EIF2S3: variants seen among roughly 807,000 people sequenced by gnomAD.
The protein encoded by EIF2S3 is eukaryotic translation initiation factor 2 subunit gamma, also known as eukaryotic translation initiation factor 2 subunit 3.
EIF2S3 carries 2 observed loss-of-function variants against 31.7 expected under a neutral mutation model. The observed-to-expected ratio is 0.06, with a 90% confidence interval of 0.03 to 0.20. EIF2S3 has a LOEUF of 0.20. EIF2S3 is among the 10% of genes least tolerant of loss of function. The probability of loss-of-function intolerance (pLI) is 1.00; values close to 1 mark genes in which losing one functional copy is unlikely to be tolerated. For missense variants in EIF2S3, 96 were observed against 359.3 expected (o/e 0.27, Z 5.92); for synonymous variants, 120 against 126.7 (o/e 0.95, Z 0.36).
chrX:24,065,575 G>A (rs753925210), intron 7 of EIF2S3, among the ~76,000 whole-genome samples: 52 of 111,530 alleles, frequency 4.7e-4, no homozygotes, highest in African/African-American at 1.5e-3. Flanking sequence ...CTATGATTGT[G>A]CCACTGCACT....
Position 24,057,640 on chromosome X carries a change from A to G in EIF2S3, c.269A>G (p.Lys90Arg). ...TTTTTATTGAAATTTTAGATTTATA[A>G]GCTTGATGACCCAAGTTGCCCTCGG... ...KLGYANAKIY[K>R]LDDPSCPRPE... Residue 90 changes from lysine (K) to arginine (R), a missense_variant, in exon 4 of 12, where the codon AAG becomes AGG. Physicochemically the swap from Lys to Arg is conservative, Grantham distance 26. Transcript: ENST00000253039. The G allele has an allele frequency of 1.7e-6, 2 of 1,210,986 alleles. No homozygotes were observed. The highest frequency in any genetic ancestry group is 2.2e-6 in the Non-Finnish European group (2 of 895,377).
chrX:24,059,986 A>G, intron 4 of EIF2S3, 102 bp from the exon 5 acceptor site: 1 of 617,589 alleles, frequency 1.6e-6, no homozygotes, highest in South Asian at 3.0e-5. Context: ...ATTTTATAGC[A>G]ATAAGATTAT....
At chrX:24,069,237 C>T (rs112164129) in intron 9 of EIF2S3, among the ~76,000 whole-genome samples, 5,985 of 108,665 alleles carry the variant, frequency 0.055, 171 homozygotes, top group Middle Eastern at 0.098. Context: ...CAAAAGTTAG[C>T]TGGGTGTGGT....
intron 11 of EIF2S3, among the ~76,000 whole-genome samples, chrX:24,074,716 A>G (rs1744625416): frequency 9.1e-6 from 1 of 109,980 alleles, no homozygotes; most frequent in Non-Finnish European, 1.9e-5. Context: ...ATATGGACTC[A>G]TGGAGTCCTA....
At chrX:24,060,022 A>C in intron 4 of EIF2S3, 66 bp from the exon 5 acceptor site, 1 of 877,290 alleles carries the variant, frequency 1.1e-6, no homozygotes. Context: ...AACTTTAAAA[A>C]ATCTAAAACT....
At chrX:24,064,810 CAA>C (rs1053570778) in intron 7 of EIF2S3, among the ~76,000 whole-genome samples, 2 of 111,676 alleles carry the variant, frequency 1.8e-5, no homozygotes, top group African/African-American at 3.3e-5. Flanking sequence ...GCCTGGGCAA[CAA>C]GAGTGAAACT....
At chrX:24,071,138 G>T (rs1204946381) in intron 9 of EIF2S3, among the ~76,000 whole-genome samples, 1 of 110,630 alleles carries the variant, frequency 9.0e-6, no homozygotes, top group Non-Finnish European at 1.9e-5. Flanking sequence ...AAAAATAAAA[G>T]TATGAAAGTG....
At position 24,071,559 on chromosome X, in the gene EIF2S3, A is replaced by G; in HGVS notation, c.1014A>G (p.Gly338=). The change falls in exon 10 of 12, where the codon GGA becomes GGG. Residue 338 remains glycine (G), a splice_region_variant and synonymous_variant. Transcript: ENST00000253039. ...LQYAAPGGLI[G]VGTKIDPTLC... is the part of the protein sequence containing the mutation. ...TATATACATCTTATTTTTATATAGG[A>G]GTTGGAACAAAAATTGACCCCACTT... 3 of 1,206,655 alleles carry G rather than the reference A, an allele frequency of 2.5e-6. No individual in the cohort carries two copies. The highest frequency in any genetic ancestry group is 2.2e-6 in the Non-Finnish European group (2 of 894,126).
At chrX:24,056,209 C>G (rs1930401745) in intron 2 of EIF2S3, among the ~76,000 whole-genome samples, 1 of 110,758 alleles carries the variant, frequency 9.0e-6, no homozygotes, top group Non-Finnish European at 1.9e-5. Flanking sequence ...AGTTTTTAAC[C>G]TAGTTAAAAA....
chrX:24,071,885 T>A (rs78977001), intron 10 of EIF2S3, among the ~76,000 whole-genome samples, 158 bp downstream of exon 10: 2 of 109,230 alleles, frequency 1.8e-5, no homozygotes, highest in African/African-American at 3.3e-5. Flanking sequence ...TTTTTTTTTT[T>A]AATTTAGAGA....
chrX:24,060,498 TTG>T, intron 5 of EIF2S3: 1 of 297,348 alleles, frequency 3.4e-6, no homozygotes. Flanking sequence ...GTAAAACTAT[TTG>T]TGTTATGGTT....
At position 24,064,238 on chromosome X, in the gene EIF2S3, A is replaced by G. The variant is rs778615116; in HGVS notation, c.675A>G (p.Ser225=). 20 of 1,196,130 alleles carry G rather than the reference A, an allele frequency of 1.7e-5. No homozygotes were observed. Among genetic ancestry groups the G allele is most frequent in the Middle Eastern group, 4.7e-4 (2 of 4,292 alleles). Residue 225 remains serine, a synonymous_variant, in exon 7 of 12, where the codon TCA becomes TCG. Transcript: ENST00000253039. ...AGGGAGCTCCCATTATTCCAATTTC[A>G]GCTCAGCTGAAATACAATATTGAAG... ...VAEGAPIIPI[S]AQLKYNIEVV...
intron 11 of EIF2S3, 151 bp downstream of exon 11, chrX:24,073,414 C>T (rs1930701453): frequency 9.0e-6 from 7 of 774,497 alleles, no homozygotes; most frequent in South Asian, 6.4e-5. Context: ...ATACTTCGGC[C>T]GGGTGCGGTG....
intron 8 of EIF2S3, 28 bp downstream of exon 8, chrX:24,066,120 T>C (rs1169533102): frequency 2.0e-6 from 2 of 986,118 alleles, no homozygotes; most frequent in East Asian, 3.2e-5. Context: ...TGTTGTGATT[T>C]TGGGTTTTTT....
rs1930785734 is a variant in EIF2S3 at position 24,078,148 on chromosome X, C to T, written c.*1363C>T. ...TCAAGTGATTCTCGTGCTTCAGCCT[C>T]CCATGTAGCTGATATTACAGGCACT... is the stretch of plus-strand genomic sequence containing the variant. On this transcript the variant is annotated 3_prime_UTR_variant, in exon 12 of 12. Transcript: ENST00000253039. Among the ~76,000 whole-genome samples, 1 of 110,332 alleles carries T rather than the reference C, an allele frequency of 9.1e-6. No homozygotes were observed. Among genetic ancestry groups the T allele is most frequent in the Admixed American group, 9.7e-5 (1 of 10,262 alleles).
intron 9 of EIF2S3, among the ~76,000 whole-genome samples, chrX:24,069,981 A>G (rs1000221815): frequency 6.4e-5 from 7 of 109,606 alleles, no homozygotes; most frequent in Non-Finnish European, 1.3e-4. Context: ...GTGAGCCACC[A>G]CACTTGGCCT....
chrX:24,055,363 C>T (rs1930385441), intron 1 of EIF2S3, among the ~76,000 whole-genome samples: 1 of 111,366 alleles, frequency 9.0e-6, no homozygotes, highest in Non-Finnish European at 1.9e-5. Context: ...CTAATGTTCC[C>T]AAGATTGGGG....
intron 5 of EIF2S3, among the ~76,000 whole-genome samples, chrX:24,061,424 T>C (rs1930491318): frequency 9.3e-6 from 1 of 107,958 alleles, no homozygotes; most frequent in Non-Finnish European, 1.9e-5. Flanking sequence ...CCGGGTGTGG[T>C]GGGGCACACC....
chrX:24,073,308 A>T (rs768135930), intron 11 of EIF2S3, 45 bp downstream of exon 11: 1 of 1,164,562 alleles, frequency 8.6e-7, no homozygotes, highest in South Asian at 2.0e-5. Context: ...AAAAAGACAC[A>T]GTCTTGTACA....
Sources: allele counts gnomAD v4.1 joint callset (sites outside exome capture counted in the v4.1 genomes callset), GRCh38; gene constraint gnomAD v4.1.1; transcripts MANE v1.5; gene names NCBI Gene and HGNC (gene_info 2026-07-23, HGNC 2026-07-21).